The following NR5A2 variants were observed in gnomAD, a reference collection of about 807,000 sequenced individuals.
NR5A2 encodes nuclear receptor subfamily 5 group A member 2.
NR5A2 carries 26 observed loss-of-function variants against 62.7 expected under a neutral mutation model. The observed-to-expected ratio is 0.41, with a 90% confidence interval of 0.30 to 0.58. The LOEUF is 0.58. Among genes scored for constraint, NR5A2 ranks in the 20% least tolerant of loss-of-function variants. NR5A2 has a pLI of 0.22. For synonymous variants in NR5A2, 246 were observed against 241.7 expected (o/e 1.02, Z -0.16); for missense variants, 541 against 669.1 (o/e 0.81, Z 2.11).
At chr1:200,158,652 G>A (rs985783614) in intron 7 of NR5A2, among the ~76,000 whole-genome samples, 10 of 151,952 alleles carry the variant, frequency 6.6e-5, no homozygotes, top group African/African-American at 2.2e-4. Flanking sequence ...CTGGAGTGCA[G>A]TGGCGTGATC....
intron 6 of NR5A2, among the ~76,000 whole-genome samples, chr1:200,119,952 T>C (rs1006733604): frequency 3.3e-5 from 5 of 152,156 alleles, no homozygotes; most frequent in African/African-American, 1.2e-4. Flanking sequence ...AGCCTTTTCT[T>C]TTTTTGCTTC....
chr1:200,169,543 A>G (rs1227419990), intron 7 of NR5A2, among the ~76,000 whole-genome samples: 2 of 152,218 alleles, frequency 1.3e-5, no homozygotes, highest in African/African-American at 4.8e-5. Context: ...AGTCAGTACT[A>G]TAATATATTC....
At chr1:200,075,437 C>G (rs967216512) in intron 5 of NR5A2, among the ~76,000 whole-genome samples, 21 of 152,308 alleles carry the variant, frequency 1.4e-4, no homozygotes, top group African/African-American at 5.1e-4. Flanking sequence ...TTTGTTAAAA[C>G]TAAGCGCCAA....
intron 5 of NR5A2, among the ~76,000 whole-genome samples, chr1:200,091,134 G>A (rs1469393069): frequency 2.6e-5 from 4 of 152,112 alleles, no homozygotes; most frequent in Admixed American, 1.3e-4. Flanking sequence ...TTGCTTTAAC[G>A]TGCAGCAACT....
chr1:200,167,915 C>T (rs1481048529), intron 7 of NR5A2, among the ~76,000 whole-genome samples: 1 of 152,132 alleles, frequency 6.6e-6, no homozygotes, highest in Non-Finnish European at 1.5e-5. Context: ...CTCTTGAACC[C>T]TGTGTTAGCT....
In NR5A2 at chr1:200,048,378, C is replaced by A; in HGVS notation, c.670C>A (p.Pro224Thr). ...CATCCACTCTGCCTCCAAAGGCCTA[C>A]CTCTGAACCATGCTGCCTTGCCTCC... ...QNIHSASKGL[P>T]LNHAALPPTD... Residue 224 changes from proline to threonine, a missense_variant, in exon 5 of 8, where the codon CCT (proline) becomes ACT (threonine). By Grantham distance (38) the Pro-to-Thr change is conservative. Transcript: ENST00000367362. The surrounding 1 kb of genome is among the most constrained non-coding windows in gnomAD (Gnocchi z 4.8). 1.9e-6 allele frequency: 3 copies of A among 1,614,208 alleles called. No individual in the cohort carries two copies. The highest frequency in any genetic ancestry group is 2.5e-6 in the Non-Finnish European group (3 of 1,180,042).
chr1:200,049,576 G>C (rs1662533975), intron 5 of NR5A2, among the ~76,000 whole-genome samples: 1 of 152,168 alleles, frequency 6.6e-6, no homozygotes, highest in Non-Finnish European at 1.5e-5. Flanking sequence ...ATGAATGTGA[G>C]AAAGTTATTT....
intron 5 of NR5A2, among the ~76,000 whole-genome samples, chr1:200,050,378 AT>A (rs1324302847): frequency 1.3e-5 from 2 of 152,232 alleles, no homozygotes; most frequent in Non-Finnish European, 2.9e-5. Flanking sequence ...CTGCTTAATA[AT>A]TATGTCTTCA....
intron 7 of NR5A2, among the ~76,000 whole-genome samples, chr1:200,163,541 G>C (rs566098433): frequency 6.6e-6 from 1 of 151,632 alleles, no homozygotes; most frequent in Non-Finnish European, 1.5e-5. Context: ...GAGTGCAGTG[G>C]CACTATCTTG....
At position 200,124,856 on chromosome 1, in the gene NR5A2, C is replaced by G. The variant is rs115255498; in HGVS notation, c.1378+3901C>G. Among the ~76,000 whole-genome samples the G allele has an allele frequency of 3.5e-3, 538 of 152,222 alleles. 2 individuals carry two copies. The highest frequency in any genetic ancestry group is 0.012 in the African/African-American group (513 of 41,532). ...ATGAGGTGGGAGGATCAGCCAAGAT[C>G]GTACTACTTCACTCCAGCCTGGGCA... is the stretch of plus-strand genomic sequence containing the variant. On this transcript the variant is annotated intron_variant, in intron 7 of 7. Coordinates refer to ENST00000367362, the MANE Select transcript of NR5A2 (RefSeq NM_205860.3).
At chr1:200,080,561 A>G (rs551482141) in intron 5 of NR5A2, among the ~76,000 whole-genome samples, 2 of 152,306 alleles carry the variant, frequency 1.3e-5, no homozygotes, top group South Asian at 4.1e-4. Flanking sequence ...ATCTAAACAA[A>G]AGGCGATTTT....
chr1:200,044,036 A>T (rs929830238), intron 3 of NR5A2, 144 bp downstream of exon 3: 1 of 558,860 alleles, frequency 1.8e-6, no homozygotes, highest in African/African-American at 1.9e-5. Context: ...TAGGGAGATG[A>T]TTCTTAGAAG....
intron 5 of NR5A2, among the ~76,000 whole-genome samples, chr1:200,097,710 A>G (rs932993875): frequency 6.6e-6 from 1 of 152,224 alleles, no homozygotes; most frequent in Non-Finnish European, 1.5e-5. Flanking sequence ...TCCTTGCCTC[A>G]TGGGGACAGA....
At chr1:200,165,383 T>A (rs1653853287) in intron 7 of NR5A2, among the ~76,000 whole-genome samples, 2 of 152,302 alleles carry the variant, frequency 1.3e-5, no homozygotes, top group South Asian at 4.1e-4. Flanking sequence ...ATTAGGTAGG[T>A]AGGGCTCGCT....
intron 1 of NR5A2, among the ~76,000 whole-genome samples, chr1:200,038,317 T>C (rs781294375): frequency 7.2e-5 from 11 of 152,210 alleles, no homozygotes; most frequent in Non-Finnish European, 1.3e-4. Context: ...GTCTGTCGCT[T>C]AGATGATCTT....
intron 1 of NR5A2, among the ~76,000 whole-genome samples, chr1:200,031,677 CA>C (rs1427815103): frequency 7.0e-6 from 1 of 142,362 alleles, no homozygotes; most frequent in Non-Finnish European, 1.5e-5. Context: ...CTTCTGGGTT[CA>C]AGAGATTCTC....
At chr1:200,057,570 C>T (rs140613044) in intron 5 of NR5A2, 79 of 354,054 alleles carry the variant, frequency 2.2e-4, no homozygotes, top group Middle Eastern at 1.8e-3. Flanking sequence ...CCTCCACCTC[C>T]TGCATTCAAG....
At chr1:200,126,683 A>ATTT (rs3034021) in intron 7 of NR5A2, among the ~76,000 whole-genome samples, 3 of 145,006 alleles carry the variant, frequency 2.1e-5, no homozygotes, top group African/African-American at 7.6e-5. Flanking sequence ...TATGAAGGGG[A>ATTT]TTTTTTTTTT....
intron 4 of NR5A2, among the ~76,000 whole-genome samples, chr1:200,047,598 A>G (rs1049793355): frequency 1.1e-4 from 9 of 82,308 alleles, no homozygotes; most frequent in African/African-American, 7.0e-4. Flanking sequence ...TTTTTGAGAC[A>G]GGGGTTTCAC....
Sources: gnomAD v4.1 joint callset for allele counts (sites outside exome capture counted in the v4.1 genomes callset) on GRCh38, gnomAD v4.1.1 for gene constraint, Gnocchi (gnomAD v3.1) non-coding constraint, MANE v1.5 for transcripts, NCBI Gene and HGNC (gene_info 2026-07-23, HGNC 2026-07-21) for gene names.